The following TAF1 variants were observed in gnomAD, a reference collection of about 807,000 sequenced individuals.
TAF1 encodes the protein TATA-box binding protein associated factor 1, also known as transcription initiation factor TFIID subunit 1.
In TAF1, 2 loss-of-function variants were observed where a neutral mutation model predicts 138.5. The observed-to-expected ratio is 0.01, with a 90% confidence interval of 0.01 to 0.05. The LOEUF (loss-of-function observed/expected upper bound fraction) is 0.05. Among genes scored for constraint, TAF1 ranks in the 10% least tolerant of loss-of-function variants. The probability of loss-of-function intolerance (pLI) is 1.00; values close to 1 mark genes in which losing one functional copy is unlikely to be tolerated. For missense variants in TAF1, 709 were observed against 1,478.0 expected, an observed-to-expected ratio of 0.48 and a Z score of 8.53; for synonymous variants, 437 against 503.2, an observed-to-expected ratio of 0.87 and a Z score of 1.76.
At chrX:71,527,009 CCT>C (rs1569419243) in intron 13 of TAF1, among the ~76,000 whole-genome samples, 1 of 108,427 alleles carries the variant, frequency 9.2e-6, no homozygotes, top group African/African-American at 3.4e-5. Flanking sequence ...ACCACCATGC[CCT>C]GTGATCATGC....
intron 32 of TAF1, among the ~76,000 whole-genome samples, chrX:71,450,605 C>A (rs991132360): frequency 2.1e-4 from 23 of 112,078 alleles, no homozygotes; most frequent in Non-Finnish European, 3.6e-4. Flanking sequence ...CTCTTACCTC[C>A]CAGAATCAGC....
chrX:71,376,645 C>T (rs1333194407), intron 4 of TAF1, among the ~76,000 whole-genome samples: 5 of 105,914 alleles, frequency 4.7e-5, no homozygotes, highest in Admixed American at 1.0e-4. Flanking sequence ...CCAGCCTGTG[C>T]GACAGAGCAA....
rs746624021 is a variant in TAF1, at chrX:71,366,510, T to TG, written c.120+21dup. The TG allele has an allele frequency of 2.4e-4, 30 of 124,720 alleles. No homozygotes were observed. The highest frequency in any genetic ancestry group is 1.5e-3 in the Admixed American group (5 of 3,397). The allele number at this position is 124,720 out of a possible 1,213,427, so 10.3% of individuals were successfully genotyped here. On this transcript the variant is annotated intron_variant, in intron 1 of 37. Transcript: ENST00000423759. ...CTTGGATGATGTGAGGGGGTGGGCG[T>TG]GGGGGTAGGGCTCGGGGGGTGGGGC...
Position 71,382,923 on chromosome X carries a change from G to A in TAF1, c.1773+55G>A, listed in dbSNP as rs182974590. On this transcript the variant is annotated intron_variant, in intron 11 of 37. Coordinates refer to ENST00000423759, the MANE Select transcript of TAF1 (RefSeq NM_004606.5). The stretch of plus-strand genomic sequence containing the variant: ...GAGAACCCCATGGCTTTGTTCTGAC[G>A]GAGGATATGGGAAAATCTTGCTTAG... The A allele has an allele frequency of 3.0e-5, 36 of 1,188,037 alleles. No homozygotes were observed. In the African/African-American group the frequency reaches 3.9e-4, roughly 13 times the overall value.
intron 8 of TAF1, among the ~76,000 whole-genome samples, chrX:71,380,132 C>G (rs994001843): frequency 1.7e-4 from 19 of 110,730 alleles, no homozygotes; most frequent in Middle Eastern, 4.6e-3. Context: ...TTTCAGTGTT[C>G]TGTGTGTGTA....
intron 32 of TAF1, among the ~76,000 whole-genome samples, chrX:71,429,124 A>G (rs2036746317): frequency 9.1e-6 from 1 of 109,635 alleles, no homozygotes; most frequent in Non-Finnish European, 1.9e-5. Context: ...AAATACAAAA[A>G]ATTAGCCGGG....
chrX:71,426,488 G>A (rs760366060), intron 32 of TAF1, among the ~76,000 whole-genome samples: 4 of 111,771 alleles, frequency 3.6e-5, no homozygotes, highest in Non-Finnish European at 5.6e-5. Flanking sequence ...GGCCGAGGCC[G>A]GCGGATCACC....
At position 71,463,825 on chromosome X, in the gene TAF1, T is replaced by A; in HGVS notation, c.5401T>A (p.Tyr1801Asn). 5.8e-6 allele frequency: 7 copies of A among 1,209,032 alleles called. No individual in the cohort carries two copies. Among genetic ancestry groups the A allele is most frequent in the Non-Finnish European group, 6.7e-6 (6 of 894,532 alleles). Residue 1801 changes from tyrosine to asparagine, a missense_variant and splice_region_variant, in exon 38 of 38, where the codon TAT becomes AAT. Tyr to Asn is a moderately radical substitution (Grantham distance 143, BLOSUM62 -2). Around this residue, in one of 14 missense-constraint regions of TAF1, gnomAD observed 123 missense variants for 174.7 expected, o/e 0.70. Coordinates refer to ENST00000423759, the MANE Select transcript of TAF1 (RefSeq NM_004606.5). ...GAGATGACATGTTTCTCTTCTCAGT[T>A]ATGGGAGCTATGAGGAGCCTGATCC... ...SHGLEDSNIS[Y>N]GSYEEPDPKS...
At chrX:71,471,331 A>AT (rs1178279202) in intron 13 of TAF1, among the ~76,000 whole-genome samples, 33 of 102,673 alleles carry the variant, frequency 3.2e-4, no homozygotes, top group South Asian at 8.9e-4. Context: ...AAAAAAAAAA[A>AT]AATATATATA....
chrX:71,425,872 AAGTT>A (rs2036565851), intron 32 of TAF1, among the ~76,000 whole-genome samples: 5 of 111,536 alleles, frequency 4.5e-5, no homozygotes, highest in Admixed American at 2.9e-4. Context: ...TCTCTGCTCC[AAGTT>A]AGTTTAGTTG....
At chrX:71,458,407 C>T (rs756225447) in intron 35 of TAF1, 41 bp downstream of exon 35, 1 of 1,195,860 alleles carries the variant, frequency 8.4e-7, no homozygotes, top group Non-Finnish European at 1.1e-6. Flanking sequence ...GTTATTGTGC[C>T]TGCAAGTGGG....
At chrX:71,388,979 A>G (rs1174230199) in intron 17 of TAF1, 111 bp downstream of exon 17, 6 of 910,951 alleles carry the variant, frequency 6.6e-6, no homozygotes, top group Non-Finnish European at 5.9e-6. Context: ...CTTAGGGAGG[A>G]TGGTTTACTA....
At chrX:71,448,808 C>CT (rs1012091922) in intron 32 of TAF1, among the ~76,000 whole-genome samples, 1 of 102,530 alleles carries the variant, frequency 9.8e-6, no homozygotes, top group Non-Finnish European at 2.0e-5. Context: ...TTTTCTTTTT[C>CT]TTTTTCTTTT....
downstream of TAF1, among the ~76,000 whole-genome samples, chrX:71,469,164 G>A (rs964464471): frequency 9.0e-6 from 1 of 110,980 alleles, no homozygotes; most frequent in Non-Finnish European, 1.9e-5. Flanking sequence ...AATTAGCTGG[G>A]TGTGGTGGCA....
intron 13 of TAF1, among the ~76,000 whole-genome samples, chrX:71,524,325 C>T (rs1422545029): frequency 9.0e-6 from 1 of 110,873 alleles, no homozygotes; most frequent in African/African-American, 3.3e-5. Flanking sequence ...AGCCACCTCA[C>T]CCAGTCTGTA....
chrX:71,369,377 C>T (rs1437300454), intron 3 of TAF1, among the ~76,000 whole-genome samples: 1 of 111,664 alleles, frequency 9.0e-6, no homozygotes, highest in Non-Finnish European at 1.9e-5. Context: ...AGAATCAAAA[C>T]ATCAGACTTA....
At chrX:71,377,340 CTT>C in intron 5 of TAF1, 149 bp downstream of exon 5, 1 of 922,180 alleles carries the variant, frequency 1.1e-6, no homozygotes. Context: ...TGTATTAGGT[CTT>C]TTTTTTAAAG....
intron 32 of TAF1, among the ~76,000 whole-genome samples, chrX:71,444,047 G>A (rs886589808): frequency 4.5e-5 from 5 of 110,256 alleles, no homozygotes; most frequent in African/African-American, 1.7e-4. Flanking sequence ...TTGCTCTGTC[G>A]CCCAGGCTGG....
intron 14 of TAF1, among the ~76,000 whole-genome samples, chrX:71,386,161 C>CAA (rs746090192): frequency 0.021 from 1,460 of 67,929 alleles, 36 homozygotes; most frequent in African/African-American, 0.073. Context: ...AACTCCATCT[C>CAA]AAAAAAAAAA....
Sources: allele counts gnomAD v4.1 joint callset (sites outside exome capture counted in the v4.1 genomes callset), GRCh38; gene constraint gnomAD v4.1.1; regional missense constraint gnomAD v4.1.1; transcripts MANE v1.5; gene names NCBI Gene and HGNC (gene_info 2026-07-23, HGNC 2026-07-21).